Variants in NAA25 observed in about 807,000 individuals in gnomAD.
NAA25 encodes the protein N-terminal acetyltransferase B complex subunit NAA25.
NAA25 carries 30 observed loss-of-function variants against 132.5 expected under a neutral mutation model. The observed-to-expected ratio is 0.23, with a 90% CI of 0.17 to 0.31. The LOEUF is 0.31. Ranked by LOEUF, NAA25 falls within the 10% of genes least tolerant of loss-of-function variation. NAA25 has a pLI of 1.00. For synonymous variants in NAA25, 359 were observed against 401.9 expected, an observed-to-expected ratio of 0.89 and a Z score of 1.28; for missense variants, 771 against 1,150.4, an observed-to-expected ratio of 0.67 and a Z score of 4.77.
chr12:112,100,170 C>G (rs1264091655), intron 1 of NAA25, among the ~76,000 whole-genome samples: 1 of 152,072 alleles, frequency 6.6e-6, no homozygotes, highest in Non-Finnish European at 1.5e-5. Context: ...ACATTTGCCT[C>G]CTATTTATTT....
chr12:112,093,141 GA>G lies in NAA25; in HGVS notation c.59-6del. 1 of 1,536,928 alleles carries G rather than the reference GA, an allele frequency of 6.5e-7. No individual in the cohort carries two copies. Among genetic ancestry groups the G allele is most frequent in the South Asian group, 1.1e-5 (1 of 87,874 alleles). ...TATTACCATTGTCAAGATAATCTAT[GA>G]AAAAACAAATTATGTGACAGTTATT... On this transcript the variant is annotated splice_region_variant and splice_polypyrimidine_tract_variant and intron_variant, in intron 1 of 23. Coordinates refer to ENST00000261745, the MANE Select transcript of NAA25 (RefSeq NM_024953.4).
intron 22 of NAA25, among the ~76,000 whole-genome samples, chr12:112,035,624 C>T (rs937983883): frequency 6.6e-6 from 1 of 151,930 alleles, no homozygotes; most frequent in Admixed American, 6.6e-5. Flanking sequence ...ATCTAAAGAA[C>T]TCCTGGATTT....
rs773221841 is a variant in NAA25 at position 112,043,641 on chromosome 12, A to G, written c.2234T>C (p.Ile745Thr). The G allele has an allele frequency of 2.1e-5, 34 of 1,614,076 alleles. No homozygotes were observed. Among genetic ancestry groups the G allele is most frequent in the Admixed American group, 8.3e-5 (5 of 60,004 alleles). ...TGATGGTACCTGAATATCCTTCTCA[A>G]TAAATCGCTTTCCTGTCTCCAGGGT... is the stretch of plus-strand genomic sequence containing the variant. ...EATLETGKRF[I>T]EKDIQYPFLG... The change falls in exon 18 of 24, where the codon ATT becomes ACT. Residue 745 changes from isoleucine (I) to threonine (T), a missense_variant. By Grantham distance (89) the Ile-to-Thr change is moderately conservative (BLOSUM62 -1). Around this residue, in one of 3 missense-constraint regions of NAA25, gnomAD observed 324 missense variants for 400.0 expected, o/e 0.81. Coordinates refer to ENST00000261745, the MANE Select transcript of NAA25 (RefSeq NM_024953.4).
chr12:112,097,290 GTTGA>G (rs2079226432), intron 1 of NAA25: 2 of 152,136 alleles, frequency 1.3e-5, no homozygotes. Context: ...GGGGATGCAA[GTTGA>G]TTGATGTGCA....
chr12:112,060,479 G>T (rs1231935783), intron 12 of NAA25, 120 bp from the exon 13 acceptor site: 3 of 639,806 alleles, frequency 4.7e-6, no homozygotes, highest in Non-Finnish European at 2.7e-6. Context: ...AGAAAATTAA[G>T]AATAAGATAA....
chr12:112,082,803 G>C (rs553850338), intron 4 of NAA25, among the ~76,000 whole-genome samples: 1 of 141,476 alleles, frequency 7.1e-6, no homozygotes, highest in African/African-American at 2.6e-5. Context: ...TGGGGGGTGC[G>C]GGGTGTGGTA....
chr12:112,031,350 A>G (rs1368730720), intron 23 of NAA25, among the ~76,000 whole-genome samples: 1 of 152,244 alleles, frequency 6.6e-6, no homozygotes, highest in East Asian at 1.9e-4. Context: ...CCAAAACTAT[A>G]TGCATCAGGT....
chr12:112,085,456 A>G (rs2079032547), intron 4 of NAA25, among the ~76,000 whole-genome samples: 1 of 152,130 alleles, frequency 6.6e-6, no homozygotes, highest in Admixed American at 6.6e-5. Flanking sequence ...ACATGAGAAG[A>G]ATGGGAAGAG....
intron 23 of NAA25, 43 bp downstream of exon 23, chr12:112,033,190 G>C (rs1365772303): frequency 6.5e-7 from 1 of 1,533,564 alleles, no homozygotes; most frequent in Non-Finnish European, 8.8e-7. Flanking sequence ...CAGAGTGTTT[G>C]TGTGTGTGTA....
At chr12:112,042,887 A>G (rs577396049) in intron 19 of NAA25, among the ~76,000 whole-genome samples, 2 of 152,370 alleles carry the variant, frequency 1.3e-5, no homozygotes, top group East Asian at 1.9e-4. Flanking sequence ...AGTGATTTTA[A>G]ATATGGAATG....
Position 112,054,511 on chromosome 12 carries a change from C to T in NAA25, c.1505G>A (p.Ser502Asn). 1.9e-6 allele frequency: 3 copies of T among 1,614,138 alleles called. No individual in the cohort carries two copies. The highest frequency in any genetic ancestry group is 2.5e-6 in the Non-Finnish European group (3 of 1,180,030). The change falls in exon 14 of 24, where the codon AGC becomes AAC. Residue 502 changes from serine (S) to asparagine (N), a missense_variant. Transcript: ENST00000261745. ...CAATTTGAACTGAGCATTGGAAGGG[C>T]TATGGGTTAATCCCTCTTCCAGCAA... ...LTLLEEGLTH[S>N]PSNAQFKLLL...
At chr12:112,054,929 C>A (rs2078522224) in intron 13 of NAA25, among the ~76,000 whole-genome samples, 1 of 152,160 alleles carries the variant, frequency 6.6e-6, no homozygotes, top group African/African-American at 2.4e-5. Flanking sequence ...CTCTATAAAA[C>A]CCCAGACAGA....
At chr12:112,048,499 G>A in intron 15 of NAA25, 56 bp from the exon 16 acceptor site, 1 of 1,493,882 alleles carries the variant, frequency 6.7e-7, no homozygotes, top group South Asian at 1.2e-5. Context: ...GGCAATGTAA[G>A]CAAACCTTGC....
chr12:112,045,287 C>G (rs564361846), intron 17 of NAA25, among the ~76,000 whole-genome samples: 1 of 151,782 alleles, frequency 6.6e-6, no homozygotes, highest in African/African-American at 2.4e-5. Context: ...GTCAGGAGAT[C>G]GAGACCATCC....
intron 4 of NAA25, among the ~76,000 whole-genome samples, chr12:112,083,280 G>A (rs2078998059): frequency 6.6e-6 from 1 of 152,152 alleles, no homozygotes; most frequent in Non-Finnish European, 1.5e-5. Flanking sequence ...AGGAGTTCGA[G>A]ACCAACTTGG....
intron 4 of NAA25, among the ~76,000 whole-genome samples, chr12:112,082,136 A>C (rs1031170965): frequency 1.3e-5 from 2 of 152,156 alleles, no homozygotes; most frequent in Non-Finnish European, 2.9e-5. Flanking sequence ...CTGTAATCCA[A>C]GCTACTTGGG....
chr12:112,061,173 T>C lies in NAA25; in HGVS notation c.1357+8A>G, dbSNP rs2078625082. 1 of 1,610,538 alleles carries C rather than the reference T, an allele frequency of 6.2e-7. No homozygotes were observed. Among genetic ancestry groups the C allele is most frequent in the Non-Finnish European group, 8.5e-7 (1 of 1,178,868 alleles). ...GGGAACTACTGCACATTTTGAATGGTTGCTCACCAAATTCCAGTCCATGCT... is the reference window on the plus strand; with the variant it reads ...GGGAACTACTGCACATTTTGAATGGCTGCTCACCAAATTCCAGTCCATGCT... On this transcript the variant is annotated splice_region_variant and intron_variant, in intron 12 of 23. Coordinates refer to ENST00000261745, the MANE Select transcript of NAA25 (RefSeq NM_024953.4).
chr12:112,099,095 T>C (rs1470315958), intron 1 of NAA25, among the ~76,000 whole-genome samples: 2 of 152,000 alleles, frequency 1.3e-5, no homozygotes, highest in African/African-American at 4.8e-5. Flanking sequence ...AAAGCAATTC[T>C]CCTGCCTCAG....
chr12:112,100,614 C>CTTTTTTTTTTT (rs71083200), intron 1 of NAA25, among the ~76,000 whole-genome samples: 2 of 100,624 alleles, frequency 2.0e-5, no homozygotes, highest in Non-Finnish European at 3.7e-5. Flanking sequence ...ATTCCATTGT[C>CTTTTTTTTTTT]TTTTTTTTTT....
Sources: gnomAD v4.1 joint callset for allele counts (sites outside exome capture counted in the v4.1 genomes callset) on GRCh38, gnomAD v4.1.1 for gene constraint, gnomAD v4.1.1 regional missense constraint, MANE v1.5 for transcripts, NCBI Gene and HGNC (gene_info 2026-07-23, HGNC 2026-07-21) for gene names.